SVEP1: variants seen among roughly 807,000 people sequenced by gnomAD.
SVEP1 encodes sushi, von Willebrand factor type A, EGF and pentraxin domain containing 1, also known as sushi, von Willebrand factor type A, EGF and pentraxin domain-containing protein 1.
In SVEP1, 164 loss-of-function variants were observed where a neutral mutation model predicts 367.3. That is an observed-to-expected ratio of 0.45 (90% CI 0.39 to 0.51). The LOEUF (loss-of-function observed/expected upper bound fraction) is 0.51, where lower values mean the gene tolerates loss of function less well. Ranked by LOEUF, SVEP1 falls within the 20% of genes least tolerant of loss-of-function variation. The pLI is 0.00. For synonymous variants in SVEP1, 1,666 were observed against 1,611.6 expected (o/e 1.03, Z -0.81); for missense variants, 4,117 against 4,425.3 (o/e 0.93, Z 1.98).
intron 40 of SVEP1, among the ~76,000 whole-genome samples, chr9:110,397,504 CAGG>C (rs972921530): frequency 1.3e-5 from 2 of 152,050 alleles, no homozygotes; most frequent in African/African-American, 4.8e-5. Context: ...GGCAATCAGG[CAGG>C]AGAAGGAAAT....
intron 10 of SVEP1, 49 bp from the exon 11 acceptor site, chr9:110,482,541 T>C: frequency 6.5e-7 from 1 of 1,545,520 alleles, no homozygotes; most frequent in Non-Finnish European, 8.7e-7. Flanking sequence ...TCACAATATT[T>C]TTTTTGAAAC....
Position 110,471,479 on chromosome 9 carries a change from G to A in SVEP1, c.2883C>T (p.Pro961=), listed in dbSNP as rs1829016860. 1 of 1,613,872 alleles carries A rather than the reference G, an allele frequency of 6.2e-7. No individual in the cohort carries two copies. The change falls in exon 16 of 48, where the codon CCC becomes CCT. Residue 961 remains proline (P), a synonymous_variant. Transcript: ENST00000374469. ...NKLKRTLNKD[P]MYSFQLASEI... ...CTGATGCAAGCTGAAAGGAATACAT[G>A]GGGTCTTTGTTGAGAGTCCTTTTCA...
chr9:110,458,608 TAAGTGGACTATATCTAACAC>T (rs1258771863), intron 19 of SVEP1, 46 bp from the exon 20 acceptor site: 12 of 1,522,618 alleles, frequency 7.9e-6, no homozygotes, highest in Non-Finnish European at 1.1e-5. Flanking sequence ...AATATGCCAG[TAAGTGGACTATATCTAACAC>T]TATGGTCAAG....
chr9:110,431,918 C>A lies in SVEP1; in HGVS notation c.5350G>T (p.Ala1784Ser). 6.2e-7 allele frequency: 1 copy of A among 1,613,510 alleles called. No homozygotes were observed. The highest frequency in any genetic ancestry group is 8.5e-7 in the Non-Finnish European group (1 of 1,179,610). The change falls in exon 32 of 48, where the codon GCA (alanine) becomes TCA (serine). Residue 1784 changes from alanine to serine, a missense_variant. By Grantham distance (99) the Ala-to-Ser change is moderately conservative. Transcript: ENST00000374469. ...PPYTGDGKNC[A>S]EPIKCKAPGN... ...TAGTTCTACATATATTGGTTACCTG[C>A]ACAGTTTTTCCCATCTCCTGTGTAC...
chr9:110,410,379 C>A (rs896866663), intron 37 of SVEP1, among the ~76,000 whole-genome samples: 1 of 152,058 alleles, frequency 6.6e-6, no homozygotes, highest in Non-Finnish European at 1.5e-5. Context: ...AGTGAAATTA[C>A]CTTTAGGTTT....
chr9:110,378,366 G>A (rs1008122175), intron 44 of SVEP1, among the ~76,000 whole-genome samples: 28 of 152,062 alleles, frequency 1.8e-4, no homozygotes, highest in Non-Finnish European at 3.7e-4. Context: ...TCTTGCAATA[G>A]CCCCTGTTTC....
chr9:110,558,513 CAAAAA>C (rs59604799), intron 1 of SVEP1, among the ~76,000 whole-genome samples: 2 of 90,786 alleles, frequency 2.2e-5, no homozygotes, highest in Admixed American at 1.3e-4. Flanking sequence ...GACCCTGTCT[CAAAAA>C]AAAAAAAAAA....
intron 30 of SVEP1, among the ~76,000 whole-genome samples, chr9:110,433,384 A>C (rs1026239456): frequency 7.4e-6 from 1 of 134,742 alleles, no homozygotes; most frequent in African/African-American, 2.6e-5. Context: ...AAAAAAAAAA[A>C]AAACGGTGAA....
chr9:110,400,132 C>T (rs957722786), intron 40 of SVEP1, among the ~76,000 whole-genome samples: 3 of 152,126 alleles, frequency 2.0e-5, no homozygotes, highest in Admixed American at 1.3e-4. Flanking sequence ...CTTGGCATCT[C>T]AATGCCAAGG....
chr9:110,410,543 ATAT>A (rs576552952), intron 37 of SVEP1, among the ~76,000 whole-genome samples: 214 of 152,344 alleles, frequency 1.4e-3, no homozygotes, highest in African/African-American at 5.1e-3. Flanking sequence ...GTAAAACAAA[ATAT>A]TATATTAAAA....
intron 5 of SVEP1, among the ~76,000 whole-genome samples, chr9:110,507,467 T>C (rs1829642157): frequency 6.6e-6 from 1 of 152,172 alleles, no homozygotes; most frequent in Non-Finnish European, 1.5e-5. Context: ...AGCATAAGTA[T>C]TGTGTGCATT....
intron 4 of SVEP1, 100 bp from the exon 5 acceptor site, chr9:110,513,205 T>G: frequency 1.8e-6 from 2 of 1,104,662 alleles, no homozygotes; most frequent in Non-Finnish European, 2.5e-6. Flanking sequence ...TGCATATGTG[T>G]CAATTGCCTA....
chr9:110,479,856 T>C (rs774581625), intron 12 of SVEP1, 100 bp from the exon 13 acceptor site: 53 of 1,481,400 alleles, frequency 3.6e-5, no homozygotes, highest in Middle Eastern at 3.5e-4. Flanking sequence ...AATTCTAACA[T>C]AATTTGTGGG....
At position 110,528,156 on chromosome 9, in the gene SVEP1, G is replaced by GTGTGTGTGTATATATATATA; in HGVS notation, c.965-14051_965-14050insTATATATATATACACACACA. On this transcript the variant is annotated intron_variant, in intron 3 of 47. Coordinates refer to ENST00000374469, the MANE Select transcript of SVEP1 (RefSeq NM_153366.4). ...CGTGTGTGTGTGTGTGTGTGTGTGT[G>GTGTGTGTGTATATATATATA]TATATATATATATATATATATATAT... Among the ~76,000 whole-genome samples, 308 of 33,894 alleles carry GTGTGTGTGTATATATATATA rather than the reference G, an allele frequency of 9.1e-3. 5 individuals carry two copies. Among genetic ancestry groups the GTGTGTGTGTATATATATATA allele is most frequent in the Non-Finnish European group, 0.013 (225 of 17,518 alleles). 22.2% of individuals were successfully genotyped at this position (33,894 alleles called of 152,430 possible). A position where few individuals can be genotyped will look rare whatever the true frequency, so the allele number is the denominator to read the frequency against.
intron 29 of SVEP1, 112 bp from the exon 30 acceptor site, chr9:110,434,618 T>A (rs906950037): frequency 1.4e-6 from 1 of 710,968 alleles, no homozygotes; most frequent in East Asian, 9.2e-5. Context: ...ACCTTACTGA[T>A]GTGAAAACAA....
chr9:110,382,450 G>A (rs1827452483), intron 43 of SVEP1, among the ~76,000 whole-genome samples: 1 of 152,190 alleles, frequency 6.6e-6, no homozygotes, highest in African/African-American at 2.4e-5. Flanking sequence ...AGTCTGATGG[G>A]CTTCCCTTTG....
At position 110,481,381 on chromosome 9, in the gene SVEP1, T is replaced by G; in HGVS notation, c.2226A>C (p.Pro742=). The G allele has an allele frequency of 1.2e-6, 2 of 1,607,310 alleles. No individual in the cohort carries two copies. Among genetic ancestry groups the G allele is most frequent in the Non-Finnish European group, 1.7e-6 (2 of 1,176,958 alleles). Residue 742 remains proline, a synonymous_variant, in exon 12 of 48, where the codon CCA becomes CCC. Transcript: ENST00000374469. The part of the protein sequence containing the change: ...TPVNGDFICT[P]DNTGVNCTLT... ...ATGTACAGTTGACTCCAGTATTATC[T>G]GGAGTGCATATAAAATCCCCATTTA...
chr9:110,485,864 G>T (rs940993288), intron 9 of SVEP1, among the ~76,000 whole-genome samples: 1 of 152,168 alleles, frequency 6.6e-6, no homozygotes, highest in African/African-American at 2.4e-5. Context: ...TAACTGAACT[G>T]CACCTGTGAG....
chr9:110,493,046 G>A (rs758123975), intron 8 of SVEP1, among the ~76,000 whole-genome samples: 6 of 152,104 alleles, frequency 3.9e-5, no homozygotes, highest in Non-Finnish European at 7.4e-5. Context: ...ATGGTGAAGT[G>A]ACATAGGCTG....
Sources: allele counts gnomAD v4.1 joint callset (sites outside exome capture counted in the v4.1 genomes callset), GRCh38; gene constraint gnomAD v4.1.1; transcripts MANE v1.5; gene names NCBI Gene and HGNC (gene_info 2026-07-23, HGNC 2026-07-21).